KAT14: variants seen among roughly 807,000 people sequenced by gnomAD.
The protein encoded by KAT14 is cysteine-rich protein 2-binding protein.
In KAT14, 66 loss-of-function variants were observed where a neutral mutation model predicts 78.4. The observed-to-expected ratio is 0.84, with a 90% CI of 0.69 to 1.03. KAT14 has a LOEUF of 1.03. KAT14 is among the 50% of genes least tolerant of loss of function. KAT14 has a pLI of 0.00. For synonymous variants in KAT14, 344 were observed against 359.4 expected (o/e 0.96, Z 0.48); for missense variants, 870 against 972.5 (o/e 0.89, Z 1.40).
At chr20:18,138,815 G>A (rs2037406430) in intron 1 of KAT14, among the ~76,000 whole-genome samples, 1 of 152,118 alleles carries the variant, frequency 6.6e-6, no homozygotes, top group Non-Finnish European at 1.5e-5. Flanking sequence ...TTTAATGGGT[G>A]ATTACTGTGT....
In KAT14 at chr20:18,162,018, T is replaced by C; in HGVS notation, c.878T>C (p.Ile293Thr). The C allele has an allele frequency of 6.2e-7, 1 of 1,614,264 alleles. No individual in the cohort carries two copies. The highest frequency in any genetic ancestry group is 8.5e-7 in the Non-Finnish European group (1 of 1,180,056). Reference protein sequence around the residue: ...RSTSSTPVKFISRGRRPDVIL... With the variant: ...RSTSSTPVKFTSRGRRPDVIL... ...ACATCTTCTACCCCTGTAAAATTCA[T>C]AAGCCGAGGCCGCAGGCCAGATGTG... The change falls in exon 6 of 11, where the codon ATA (isoleucine) becomes ACA (threonine). Residue 293 changes from isoleucine (I) to threonine (T), a missense_variant. Transcript: ENST00000688188.
At chr20:18,138,978 C>T (rs2037414636) in intron 1 of KAT14, among the ~76,000 whole-genome samples, 1 of 151,940 alleles carries the variant, frequency 6.6e-6, no homozygotes, top group Admixed American at 6.5e-5. Flanking sequence ...ACCTAGTTCA[C>T]CAAGGGTGAA....
chr20:18,156,262 C>T lies in KAT14; in HGVS notation c.501-2822C>T, dbSNP rs75267304. Among the ~76,000 whole-genome samples, 96 of 152,146 alleles carry T rather than the reference C, an allele frequency of 6.3e-4. No homozygotes were observed. In the South Asian group the frequency reaches 0.016, roughly 26 times the overall value. On this transcript the variant is annotated intron_variant, in intron 4 of 10. Coordinates refer to ENST00000688188, the MANE Select transcript of KAT14 (RefSeq NM_001392073.1). ...GAGGGTGGAATTGGGAGTTGTTTAACGGATATAGAGTTTCGGTTTTGCCCT... is the reference window on the plus strand; with the variant it reads ...GAGGGTGGAATTGGGAGTTGTTTAATGGATATAGAGTTTCGGTTTTGCCCT...
intron 5 of KAT14, among the ~76,000 whole-genome samples, chr20:18,159,840 A>G (rs905603289): frequency 1.3e-5 from 2 of 152,342 alleles, no homozygotes; most frequent in East Asian, 1.9e-4. Flanking sequence ...ACTTCTTACT[A>G]TCACATATTG....
At chr20:18,138,368 G>T in intron 1 of KAT14, 1 of 1,069,258 alleles carries the variant, frequency 9.4e-7, no homozygotes. Context: ...GTGCCCAGTG[G>T]CTCTGTTTTC....
At chr20:18,184,836 C>A in intron 10 of KAT14, 44 bp downstream of exon 10, 1 of 1,550,080 alleles carries the variant, frequency 6.5e-7, no homozygotes, top group Non-Finnish European at 8.7e-7. Context: ...GTCTGGGCTC[C>A]CCTGAACAAC....
intron 3 of KAT14, among the ~76,000 whole-genome samples, chr20:18,150,179 G>A (rs2037982466): frequency 6.6e-6 from 1 of 152,104 alleles, no homozygotes; most frequent in Non-Finnish European, 1.5e-5. Context: ...CTGAAAATGG[G>A]CTGAGTGGCT....
At chr20:18,171,599 G>A (rs1420708493) in intron 7 of KAT14, among the ~76,000 whole-genome samples, 1 of 152,174 alleles carries the variant, frequency 6.6e-6, no homozygotes, top group Non-Finnish European at 1.5e-5. Context: ...ATCACGTGAG[G>A]TCAGGAGTTT....
intron 5 of KAT14, among the ~76,000 whole-genome samples, chr20:18,160,221 A>C (rs1005845801): frequency 1.6e-3 from 237 of 152,268 alleles, no homozygotes; most frequent in African/African-American, 5.4e-3. Context: ...AAAATTTTAA[A>C]AATATGATTG....
At position 18,162,500 on chromosome 20, in the gene KAT14, A is replaced by G. The variant is rs1410183623; in HGVS notation, c.1223A>G (p.Gln408Arg). 1 of 1,614,040 alleles carries G rather than the reference A, an allele frequency of 6.2e-7. No individual in the cohort carries two copies. Among genetic ancestry groups the G allele is most frequent in the Non-Finnish European group, 8.5e-7 (1 of 1,180,042 alleles). Residue 408 changes from glutamine to arginine, a missense_variant, in exon 7 of 11, where the codon CAG (glutamine) becomes CGG (arginine). By Grantham distance (43) the Gln-to-Arg change is conservative (BLOSUM62 1). Transcript: ENST00000688188. ...GVRKKVRGPE[Q>R]IKQEVESEEE... ...AGAAAGAAGGTCAGAGGCCCTGAAC[A>G]GATAAAGCAGGAGGTAGAGAGTGAG...
chr20:18,144,999 A>G, intron 2 of KAT14: 3 of 1,028,534 alleles, frequency 2.9e-6, no homozygotes. Context: ...CTGCTTTTCC[A>G]GTACCTTTCT....
At chr20:18,165,929 C>CT (rs2146450746) in intron 7 of KAT14, among the ~76,000 whole-genome samples, 1 of 152,200 alleles carries the variant, frequency 6.6e-6, no homozygotes, top group Admixed American at 6.5e-5. Flanking sequence ...GTACAGGAGG[C>CT]TCACCTGTAC....
chr20:18,175,102 C>G (rs984523923), intron 7 of KAT14, among the ~76,000 whole-genome samples: 3 of 152,026 alleles, frequency 2.0e-5, no homozygotes, highest in Admixed American at 2.0e-4. Flanking sequence ...AGCTTTTGAC[C>G]CTGTCAGCAA....
At chr20:18,185,583 TATTGA>T (rs1365767678) in intron 10 of KAT14, among the ~76,000 whole-genome samples, 1 of 152,250 alleles carries the variant, frequency 6.6e-6, no homozygotes, top group African/African-American at 2.4e-5. Context: ...TTGATTCTAG[TATTGA>T]ATTATAATTC....
intron 4 of KAT14, among the ~76,000 whole-genome samples, chr20:18,152,176 G>A (rs929038723): frequency 2.0e-5 from 3 of 151,928 alleles, no homozygotes; most frequent in Non-Finnish European, 4.4e-5. Context: ...TGTGTGGTGG[G>A]GCATGCCTGT....
chr20:18,168,147 A>C (rs1388995998), intron 7 of KAT14, among the ~76,000 whole-genome samples: 2 of 152,164 alleles, frequency 1.3e-5, no homozygotes, highest in Non-Finnish European at 2.9e-5. Flanking sequence ...TTGTTATTTT[A>C]GTTTTTTCCA....
Position 18,163,910 on chromosome 20 carries a change from T to C in KAT14, c.1668+965T>C, listed in dbSNP as rs543301165. Among the ~76,000 whole-genome samples, 13 of 152,354 alleles carry C rather than the reference T, an allele frequency of 8.5e-5. 1 individual carries two copies. The South Asian group carries it at 2.7e-3, about 32-fold the overall frequency. On this transcript the variant is annotated intron_variant, in intron 7 of 10. Transcript: ENST00000688188. ...GATATTGGACCCTGTAGATTAAAAGTTGGCAAACTTTATCTGTAAAGAAAT... is the reference window on the plus strand; with the variant it reads ...GATATTGGACCCTGTAGATTAAAAGCTGGCAAACTTTATCTGTAAAGAAAT...
intron 7 of KAT14, among the ~76,000 whole-genome samples, chr20:18,175,856 C>CA (rs1309378477): frequency 6.7e-6 from 1 of 149,428 alleles, no homozygotes; most frequent in African/African-American, 2.5e-5. Flanking sequence ...TCGTCTCTAC[C>CA]AAAAAAAATA....
intron 3 of KAT14, 60 bp downstream of exon 3, chr20:18,145,411 C>T (rs542681431): frequency 4.1e-5 from 66 of 1,591,856 alleles, no homozygotes; most frequent in South Asian, 9.2e-5. Flanking sequence ...TTTGTTGGAA[C>T]GAATATCTAG....
Sources: allele counts gnomAD v4.1 joint callset (sites outside exome capture counted in the v4.1 genomes callset), GRCh38; gene constraint gnomAD v4.1.1; transcripts MANE v1.5; gene names NCBI Gene and HGNC (gene_info 2026-07-23, HGNC 2026-07-21).